Variants in ZNF423 observed in about 807,000 individuals in gnomAD.
ZNF423 encodes zinc finger protein 423.
Under a neutral mutation model 95.8 loss-of-function variants are expected in ZNF423, and 12 were observed. That is an observed-to-expected ratio of 0.13 (90% CI 0.08 to 0.20). The LOEUF (loss-of-function observed/expected upper bound fraction) is 0.20. Ranked by LOEUF, ZNF423 falls within the 10% of genes least tolerant of loss-of-function variation. The pLI, the probability that ZNF423 is intolerant of heterozygous loss-of-function variation, is 1.00. For missense variants in ZNF423, 1,316 were observed against 1,737.1 expected (o/e 0.76, Z 4.31); for synonymous variants, 749 against 711.9 (o/e 1.05, Z -0.83).
intron 2 of ZNF423, among the ~76,000 whole-genome samples, chr16:49,733,596 T>C (rs77196303): frequency 0.035 from 5,329 of 152,174 alleles, 317 homozygotes; most frequent in African/African-American, 0.12. Flanking sequence ...ACCTCCCCTA[T>C]GGCCGGCTAC....
rs952153783 is a variant in ZNF423, at chr16:49,587,733, G to C, written c.3601+38437C>G. ...AAGTCATCAACTTCTACAATCAGGA[G>C]TCACCGGTGACTCTAGCAAAAAGAA... On this transcript the variant is annotated intron_variant, in intron 5 of 7. Coordinates refer to ENST00000563137, the MANE Select transcript of ZNF423 (RefSeq NM_001379286.1). 2.0e-5 allele frequency among the ~76,000 whole-genome samples: 3 copies of C among 152,104 alleles called. No homozygotes were observed. The East Asian group carries it at 5.8e-4, about 29-fold the overall frequency.
chr16:49,547,248 G>C (rs544951103), intron 5 of ZNF423, among the ~76,000 whole-genome samples: 12 of 152,238 alleles, frequency 7.9e-5, no homozygotes, highest in African/African-American at 2.9e-4. Flanking sequence ...CCCAGGGAAA[G>C]AGAGAATGCT....
At chr16:49,600,025 T>TA (rs1971311130) in intron 5 of ZNF423, among the ~76,000 whole-genome samples, 1 of 151,986 alleles carries the variant, frequency 6.6e-6, no homozygotes, top group Non-Finnish European at 1.5e-5. Flanking sequence ...AAGCCTCAAT[T>TA]AAAAGGGGCA....
rs1366706084 is a variant in ZNF423, at chr16:49,492,723, G to T, written c.3850-1419C>A. Among the ~76,000 whole-genome samples the T allele has an allele frequency of 6.6e-6, 1 of 152,220 alleles. No individual in the cohort carries two copies. Among genetic ancestry groups the T allele is most frequent in the African/African-American group, 2.4e-5 (1 of 41,462 alleles). ...CAGGCGCACGGCCGGGGCTTGGTGG[G>T]CATGCGTGCTCTGTGCCGTGGCAGG... On this transcript the variant is annotated intron_variant, in intron 7 of 7. Coordinates refer to ENST00000563137, the MANE Select transcript of ZNF423 (RefSeq NM_001379286.1). This position sits in a 1 kb window ranked among gnomAD's most constrained non-coding sequence, Gnocchi z 4.2.
intron 5 of ZNF423, among the ~76,000 whole-genome samples, chr16:49,578,315 C>T (rs1032814327): frequency 7.9e-5 from 12 of 152,294 alleles, no homozygotes; most frequent in African/African-American, 2.9e-4. Flanking sequence ...CTGGCTCCAG[C>T]GGGGGAAGGA....
chr16:49,804,656 T>C (rs2143920841), intron 1 of ZNF423, among the ~76,000 whole-genome samples: 1 of 152,232 alleles, frequency 6.6e-6, no homozygotes, highest in East Asian at 1.9e-4. Context: ...TCTCCAGCCA[T>C]GGACTGAAGT....
At chr16:49,534,193 A>G (rs1411497859) in intron 5 of ZNF423, among the ~76,000 whole-genome samples, 2 of 152,178 alleles carry the variant, frequency 1.3e-5, no homozygotes, top group Non-Finnish European at 2.9e-5. Flanking sequence ...AATACTGATC[A>G]TAATGCTACC....
chr16:49,647,395 A>G (rs1348551074), intron 3 of ZNF423, among the ~76,000 whole-genome samples: 12 of 152,224 alleles, frequency 7.9e-5, no homozygotes, highest in Admixed American at 7.9e-4. Flanking sequence ...ATTACCCCAA[A>G]GATGTCCAAG....
chr16:49,502,136 C>T (rs1460629676), intron 7 of ZNF423, among the ~76,000 whole-genome samples: 2 of 152,214 alleles, frequency 1.3e-5, no homozygotes, highest in Non-Finnish European at 2.9e-5. Context: ...ATCTGGCCCT[C>T]GGGCCACCAG....
intron 5 of ZNF423, among the ~76,000 whole-genome samples, chr16:49,598,421 T>C (rs1243752251): frequency 2.0e-5 from 3 of 152,272 alleles, no homozygotes; most frequent in African/African-American, 4.8e-5. Flanking sequence ...ATTATCATTT[T>C]TGTCATTCCA....
chr16:49,698,034 C>T (rs930799070), intron 3 of ZNF423, among the ~76,000 whole-genome samples: 5 of 152,130 alleles, frequency 3.3e-5, no homozygotes, highest in African/African-American at 4.8e-5. Context: ...GGGACCAGCC[C>T]GACTCCACAT....
chr16:49,691,121 G>A lies in ZNF423; in HGVS notation c.301+39650C>T, dbSNP rs779673777. On this transcript the variant is annotated intron_variant, in intron 3 of 7. Coordinates refer to ENST00000563137, the MANE Select transcript of ZNF423 (RefSeq NM_001379286.1). ...ATCAGCCGACCAGGGCAGAGGGCCC[G>A]ACAGAGGGAGTCAGACAGGTAGACA... is the stretch of plus-strand genomic sequence containing the variant. Among the ~76,000 whole-genome samples the A allele has an allele frequency of 4.6e-5, 7 of 152,264 alleles. No homozygotes were observed. The East Asian group carries it at 7.7e-4, about 17-fold the overall frequency.
intron 3 of ZNF423, among the ~76,000 whole-genome samples, chr16:49,709,891 G>A (rs1490398560): frequency 6.6e-6 from 1 of 152,168 alleles, no homozygotes; most frequent in Non-Finnish European, 1.5e-5. Flanking sequence ...TCTGTTGCAT[G>A]TAAATCACAC....
At chr16:49,569,837 C>A (rs1970302758) in intron 5 of ZNF423, among the ~76,000 whole-genome samples, 1 of 152,202 alleles carries the variant, frequency 6.6e-6, no homozygotes, top group Non-Finnish European at 1.5e-5. Flanking sequence ...AAGTGCTTTC[C>A]ATTTGTTAAA....
intron 5 of ZNF423, among the ~76,000 whole-genome samples, chr16:49,584,480 T>C (rs994711888): frequency 6.6e-6 from 1 of 152,194 alleles, no homozygotes; most frequent in Non-Finnish European, 1.5e-5. Flanking sequence ...CCTAGAGCTA[T>C]AGGAATTGTC....
intron 5 of ZNF423, among the ~76,000 whole-genome samples, chr16:49,621,021 C>G (rs1972059511): frequency 6.6e-6 from 1 of 152,214 alleles, no homozygotes; most frequent in Non-Finnish European, 1.5e-5. Flanking sequence ...CTCCCTCTCT[C>G]TCCTTCAGCA....
intron 1 of ZNF423, among the ~76,000 whole-genome samples, chr16:49,805,885 G>C (rs1230120371): frequency 6.6e-6 from 1 of 152,234 alleles, no homozygotes; most frequent in Non-Finnish European, 1.5e-5. Context: ...TAGGATGATT[G>C]CTTCTGTGCC....
At chr16:49,774,984 T>G (rs530014193) in intron 2 of ZNF423, among the ~76,000 whole-genome samples, 3 of 152,104 alleles carry the variant, frequency 2.0e-5, no homozygotes, top group Admixed American at 1.3e-4. Context: ...TCAATTGCAC[T>G]TAACCAGGCA....
intron 3 of ZNF423, among the ~76,000 whole-genome samples, chr16:49,727,812 G>A (rs151265043): frequency 6.6e-6 from 1 of 152,232 alleles, no homozygotes; most frequent in Non-Finnish European, 1.5e-5. Flanking sequence ...GGGCACCATG[G>A]TCTGCCCAGC....
Sources: allele counts gnomAD v4.1 joint callset (sites outside exome capture counted in the v4.1 genomes callset), GRCh38; gene constraint gnomAD v4.1.1; non-coding constraint Gnocchi (gnomAD v3.1); transcripts MANE v1.5; gene names NCBI Gene and HGNC (gene_info 2026-07-23, HGNC 2026-07-21).